NEGR1: variants seen among roughly 807,000 people sequenced by gnomAD.
The protein encoded by NEGR1 is IgLON family member 4.
A neutral mutation model predicts 40.9 loss-of-function variants in NEGR1; 10 were observed. That is an observed-to-expected ratio of 0.24 (90% CI 0.15 to 0.42). The LOEUF (loss-of-function observed/expected upper bound fraction) is 0.42, where lower values mean the gene tolerates loss of function less well. Ranked by LOEUF, NEGR1 falls within the 10% of genes least tolerant of loss-of-function variation. The pLI is 1.00. For missense variants in NEGR1, 352 were observed against 438.9 expected (o/e 0.80, Z 1.77); for synonymous variants, 185 against 166.8 (o/e 1.11, Z -0.84).
intron 1 of NEGR1, among the ~76,000 whole-genome samples, chr1:71,975,928 G>T (rs904868061): frequency 6.6e-6 from 1 of 152,198 alleles, no homozygotes; most frequent in Non-Finnish European, 1.5e-5. Context: ...GTTATTTGGA[G>T]AGAGCAAACT....
intron 2 of NEGR1, among the ~76,000 whole-genome samples, chr1:71,840,701 A>T (rs1442578161): frequency 3.3e-5 from 5 of 152,168 alleles, no homozygotes; most frequent in African/African-American, 1.2e-4. Flanking sequence ...GCCACAACAA[A>T]ACCTGTGTCA....
chr1:71,724,958 T>G (rs1654625396), intron 3 of NEGR1, among the ~76,000 whole-genome samples: 1 of 152,108 alleles, frequency 6.6e-6, no homozygotes, highest in Non-Finnish European at 1.5e-5. Flanking sequence ...CACAGCCTAG[T>G]TACTCTCTCA....
At chr1:71,826,097 G>A (rs1658612659) in intron 2 of NEGR1, among the ~76,000 whole-genome samples, 1 of 151,778 alleles carries the variant, frequency 6.6e-6, no homozygotes, top group Non-Finnish European at 1.5e-5. Context: ...ATGCTCTCTG[G>A]TTTCCTCCCA....
At chr1:71,990,184 C>T (rs1646437090) in intron 1 of NEGR1, among the ~76,000 whole-genome samples, 1 of 152,156 alleles carries the variant, frequency 6.6e-6, no homozygotes, top group South Asian at 2.1e-4. Context: ...CTACAAAGAG[C>T]ATGTCAGCTT....
At chr1:71,993,670 G>A (rs1646475350) in intron 1 of NEGR1, among the ~76,000 whole-genome samples, 3 of 152,170 alleles carry the variant, frequency 2.0e-5, no homozygotes, top group Admixed American at 1.3e-4. Context: ...GCCACAAAAT[G>A]TGTTAAACAT....
chr1:71,600,470 G>C (rs576037115), intron 5 of NEGR1, among the ~76,000 whole-genome samples: 135 of 152,286 alleles, frequency 8.9e-4, no homozygotes, highest in Non-Finnish European at 1.7e-3. Context: ...TAGCTTTCCT[G>C]GAGAAGGTGA....
intron 6 of NEGR1, among the ~76,000 whole-genome samples, chr1:71,513,224 A>T (rs958035798): frequency 1.3e-5 from 2 of 152,186 alleles, no homozygotes; most frequent in African/African-American, 4.8e-5. Flanking sequence ...TTAGTTCACT[A>T]GTTTGCTGAA....
At chr1:71,521,932 C>G (rs1307189955) in intron 6 of NEGR1, among the ~76,000 whole-genome samples, 1 of 151,924 alleles carries the variant, frequency 6.6e-6, no homozygotes, top group Non-Finnish European at 1.5e-5. Flanking sequence ...ATTAATATTT[C>G]AAGTCATCTT....
At position 72,093,958 on chromosome 1, in the gene NEGR1, A is replaced by G. The variant is rs916220801; in HGVS notation, c.177-158647T>C. Among the ~76,000 whole-genome samples, 7 of 152,230 alleles carry G rather than the reference A, an allele frequency of 4.6e-5. No homozygotes were observed. The East Asian group carries it at 1.3e-3, about 29-fold the overall frequency. On this transcript the variant is annotated intron_variant, in intron 1 of 6. Coordinates refer to ENST00000357731, the MANE Select transcript of NEGR1 (RefSeq NM_173808.3). ...TTTAAAAAGAATTGAACAGCATAAT[A>G]CATTTTGTAGAATGTGTTGCTTAAT...
At chr1:72,169,816 G>A (rs1452642796) in intron 1 of NEGR1, among the ~76,000 whole-genome samples, 5 of 152,058 alleles carry the variant, frequency 3.3e-5, no homozygotes, top group African/African-American at 7.2e-5. Context: ...TTTAATAAAT[G>A]TCAGTTAAAG....
At chr1:72,197,786 C>CA (rs935912530) in intron 1 of NEGR1, among the ~76,000 whole-genome samples, 2 of 151,572 alleles carry the variant, frequency 1.3e-5, no homozygotes, top group Non-Finnish European at 2.9e-5. Context: ...AATATATTGC[C>CA]AAAAAAATGG....
At chr1:71,831,555 C>T (rs116641010) in intron 2 of NEGR1, among the ~76,000 whole-genome samples, 4 of 151,928 alleles carry the variant, frequency 2.6e-5, no homozygotes, top group South Asian at 2.1e-4. Context: ...GTTATAAGAT[C>T]GGGCATGAAA....
At chr1:71,834,807 A>G (rs1658961818) in intron 2 of NEGR1, among the ~76,000 whole-genome samples, 1 of 151,516 alleles carries the variant, frequency 6.6e-6, no homozygotes, top group African/African-American at 2.4e-5. Flanking sequence ...TAGCCTTGCT[A>G]TGTTACAATA....
chr1:71,976,632 A>C (rs1056003178), intron 1 of NEGR1, among the ~76,000 whole-genome samples: 1 of 152,202 alleles, frequency 6.6e-6, no homozygotes, highest in Non-Finnish European at 1.5e-5. Context: ...TTTTTTAAAA[A>C]AGTTACTTTA....
At chr1:72,145,478 G>C (rs1370898472) in intron 1 of NEGR1, among the ~76,000 whole-genome samples, 1 of 152,034 alleles carries the variant, frequency 6.6e-6, no homozygotes, top group Non-Finnish European at 1.5e-5. Flanking sequence ...TTTTGTTTAG[G>C]GCACTGAAGC....
At chr1:71,805,495 T>C (rs1657733240) in intron 2 of NEGR1, among the ~76,000 whole-genome samples, 1 of 152,124 alleles carries the variant, frequency 6.6e-6, no homozygotes, top group South Asian at 2.1e-4. Context: ...TTAGGGAAAA[T>C]AGATAAGAAC....
At chr1:71,438,864 C>T (rs1048462597) in intron 6 of NEGR1, among the ~76,000 whole-genome samples, 11 of 152,104 alleles carry the variant, frequency 7.2e-5, no homozygotes, top group Admixed American at 4.6e-4. Context: ...CCAGTGATGG[C>T]GTGGTGGAAA....
chr1:71,543,565 G>C (rs1647789866), intron 6 of NEGR1, among the ~76,000 whole-genome samples: 1 of 151,710 alleles, frequency 6.6e-6, no homozygotes, highest in Admixed American at 6.6e-5. Context: ...AAAACATAAT[G>C]TGGGAGGGCA....
chr1:71,877,054 G>A (rs925794481), intron 2 of NEGR1, among the ~76,000 whole-genome samples: 1 of 145,750 alleles, frequency 6.9e-6, no homozygotes, highest in Non-Finnish European at 1.5e-5. Flanking sequence ...AACAAAGACT[G>A]TACAGATTAG....
Sources: allele counts gnomAD v4.1 joint callset (sites outside exome capture counted in the v4.1 genomes callset), GRCh38; gene constraint gnomAD v4.1.1; transcripts MANE v1.5; gene names NCBI Gene and HGNC (gene_info 2026-07-23, HGNC 2026-07-21).